ZCCHC4: variants seen among roughly 807,000 people sequenced by gnomAD.
ZCCHC4 encodes zinc finger CCHC-type containing 4.
A neutral mutation model predicts 67.7 loss-of-function variants in ZCCHC4; 54 were observed. That is an observed-to-expected ratio of 0.80 (90% CI 0.64 to 1.00). The LOEUF is 1.00. Ranked by LOEUF, ZCCHC4 falls within the 50% of genes least tolerant of loss-of-function variation. The probability of loss-of-function intolerance (pLI) is 0.00; values close to 1 mark genes in which losing one functional copy is unlikely to be tolerated. For synonymous variants in ZCCHC4, 198 were observed against 213.5 expected (o/e 0.93, Z 0.63); for missense variants, 609 against 617.0 (o/e 0.99, Z 0.14).
At chr4:25,317,963 T>C (rs1378917901) in intron 3 of ZCCHC4, among the ~76,000 whole-genome samples, 1 of 152,148 alleles carries the variant, frequency 6.6e-6, no homozygotes, top group Non-Finnish European at 1.5e-5. Context: ...TGCATAGTGA[T>C]TTAATTTGAG....
In ZCCHC4 at chr4:25,312,911, C is replaced by G. The variant is rs746142103; in HGVS notation, c.102C>G (p.Ala34=). 5.0e-6 allele frequency: 8 copies of G among 1,612,666 alleles called. No individual in the cohort carries two copies. The Admixed American group carries it at 1.0e-4, about 20-fold the overall frequency. The change falls in exon 1 of 13, where the codon GCC becomes GCG. Residue 34 remains alanine, a synonymous_variant. Transcript: ENST00000302874. Reference sequence around the variant, plus strand: ...AGGTGGTGCTTCCTTTGGATCCTGCCGTCCCCGCCCCGCTGTGCCCTCACG... The same window carrying G: ...AGGTGGTGCTTCCTTTGGATCCTGCGGTCCCCGCCCCGCTGTGCCCTCACG... The part of the protein sequence containing the change: ...GMEVVLPLDP[A]VPAPLCPHGP...
chr4:25,365,411 T>C (rs898791305), intron 12 of ZCCHC4: 2 of 1,265,836 alleles, frequency 1.6e-6, no homozygotes, highest in Admixed American at 3.7e-5. Flanking sequence ...AGAAAGTGGT[T>C]AATTTTACCT....
chr4:25,355,408 A>G (rs193030346), intron 8 of ZCCHC4, among the ~76,000 whole-genome samples: 1 of 152,322 alleles, frequency 6.6e-6, no homozygotes, highest in East Asian at 1.9e-4. Context: ...CTTGGTAGCA[A>G]AGAGTAATGT....
intron 5 of ZCCHC4, among the ~76,000 whole-genome samples, chr4:25,344,046 C>A (rs1719877030): frequency 6.6e-6 from 1 of 152,102 alleles, no homozygotes; most frequent in Non-Finnish European, 1.5e-5. Context: ...GCAACGCAGA[C>A]ATTAAGACCC....
Position 25,364,496 on chromosome 4 carries a change from G to A in ZCCHC4, c.1252G>A (p.Val418Ile), listed in dbSNP as rs1056820912. ...WNHCFLCKKC[V>I]KPSWIHCSIC... is the part of the protein sequence containing the mutation. ...CCATTGCTTTCTCTGTAAAAAGTGT[G>A]TAAAGCCTTGTAAGTATTGAGACTT... The change falls in exon 11 of 13, where the codon GTA (valine) becomes ATA (isoleucine). Residue 418 changes from valine (V) to isoleucine (I), a missense_variant. By Grantham distance (29) the Val-to-Ile change is conservative. Coordinates refer to ENST00000302874, the MANE Select transcript of ZCCHC4 (RefSeq NM_024936.3). The A allele has an allele frequency of 1.2e-5, 19 of 1,555,698 alleles. No homozygotes were observed. The highest frequency in any genetic ancestry group is 4.2e-5 in the African/African-American group (3 of 71,582).
chr4:25,348,607 T>C (rs971970168), intron 6 of ZCCHC4, among the ~76,000 whole-genome samples: 2 of 152,214 alleles, frequency 1.3e-5, no homozygotes, highest in Admixed American at 6.5e-5. Context: ...TTAGGTATTA[T>C]AAGTAACCTA....
At position 25,361,651 on chromosome 4, in the gene ZCCHC4, T is replaced by C. The variant is rs890581061; in HGVS notation, c.1012-208T>C. ...CAGAGAGAAAAAGCCATGTCGAAAC[T>C]GTCTATGATCCTTGAGTGTTATTCC... On this transcript the variant is annotated intron_variant, in intron 8 of 12. Transcript: ENST00000302874. 3 of 522,016 alleles carry C rather than the reference T, an allele frequency of 5.7e-6. No individual in the cohort carries two copies. In the African/African-American group the frequency reaches 5.8e-5, roughly 10 times the overall value. 32.3% of individuals were successfully genotyped at this position (522,016 alleles called of 1,614,324 possible). A position where few individuals can be genotyped will look rare whatever the true frequency, so the allele number is the denominator to read the frequency against.
intron 6 of ZCCHC4, among the ~76,000 whole-genome samples, chr4:25,348,273 T>C (rs1242000721): frequency 6.6e-6 from 1 of 152,326 alleles, no homozygotes; most frequent in South Asian, 2.1e-4. Flanking sequence ...TTTCCTCTTA[T>C]CAGTGGGATC....
chr4:25,323,850 A>T (rs546182482), intron 3 of ZCCHC4, among the ~76,000 whole-genome samples: 1 of 152,214 alleles, frequency 6.6e-6, no homozygotes, highest in African/African-American at 2.4e-5. Context: ...CAAGTTAATG[A>T]ACATACTATT....
intron 8 of ZCCHC4, among the ~76,000 whole-genome samples, chr4:25,356,510 G>A (rs780737023): frequency 3.6e-4 from 55 of 151,744 alleles, no homozygotes; most frequent in Non-Finnish European, 7.2e-4. Flanking sequence ...CCACCTTCCT[G>A]ACACATACAT....
At chr4:25,368,923 C>T (rs1721042149) in intron 12 of ZCCHC4, 106 bp from the exon 13 acceptor site, 2 of 1,319,352 alleles carry the variant, frequency 1.5e-6, no homozygotes, top group Non-Finnish European at 2.0e-6. Flanking sequence ...TAGATTCTTT[C>T]CCTTCTTCTA....
intron 1 of ZCCHC4, among the ~76,000 whole-genome samples, chr4:25,313,805 C>T (rs1477027458): frequency 3.9e-5 from 6 of 152,258 alleles, no homozygotes; most frequent in Non-Finnish European, 8.8e-5. Context: ...AGCAGGATCT[C>T]AGTGAGCCAT....
chr4:25,317,385 A>G (rs1718311621), intron 3 of ZCCHC4, among the ~76,000 whole-genome samples: 1 of 152,176 alleles, frequency 6.6e-6, no homozygotes, highest in Admixed American at 6.5e-5. Context: ...GTGGGAATTC[A>G]GTCATCACCC....
chr4:25,352,422 T>A (rs1412004904), intron 8 of ZCCHC4: 1 of 985,238 alleles, frequency 1.0e-6, no homozygotes, highest in African/African-American at 1.7e-5. Context: ...TTCTTTTTTT[T>A]TTTTGAGACA....
At chr4:25,341,195 G>A (rs774195968) in intron 5 of ZCCHC4, among the ~76,000 whole-genome samples, 1 of 152,260 alleles carries the variant, frequency 6.6e-6, no homozygotes, top group South Asian at 2.1e-4. Flanking sequence ...TTAATTGACT[G>A]TTATCTGTAA....
chr4:25,341,274 C>G (rs1437781177), intron 5 of ZCCHC4, among the ~76,000 whole-genome samples: 1 of 152,100 alleles, frequency 6.6e-6, no homozygotes, highest in Non-Finnish European at 1.5e-5. Flanking sequence ...GAGTTGATAT[C>G]TCATGTTGAA....
intron 5 of ZCCHC4, among the ~76,000 whole-genome samples, chr4:25,334,458 G>A (rs1318581823): frequency 1.3e-5 from 2 of 152,186 alleles, no homozygotes; most frequent in African/African-American, 4.8e-5. Context: ...GGAGTGCTAA[G>A]TAGGGGATAG....
At chr4:25,318,349 CTTTTTTT>C (rs528144406) in intron 3 of ZCCHC4, among the ~76,000 whole-genome samples, 1 of 45,506 alleles carries the variant, frequency 2.2e-5, no homozygotes, top group Non-Finnish European at 3.6e-5. Flanking sequence ...CACTCTCTCT[CTTTTTTT>C]TTTTTTTTTT....
chr4:25,325,813 A>G (rs1263748816), intron 3 of ZCCHC4, among the ~76,000 whole-genome samples: 1 of 152,058 alleles, frequency 6.6e-6, no homozygotes, highest in African/African-American at 2.4e-5. Flanking sequence ...TAGGTCTATG[A>G]TCTATTCGGG....
Sources: gnomAD v4.1 joint callset for allele counts (sites outside exome capture counted in the v4.1 genomes callset) on GRCh38, gnomAD v4.1.1 for gene constraint, MANE v1.5 for transcripts, NCBI Gene and HGNC (gene_info 2026-07-23, HGNC 2026-07-21) for gene names.